The following ITPRID1 variants were observed in gnomAD, a reference collection of about 807,000 sequenced individuals.
ITPRID1 encodes protein ITPRID1.
Under a neutral mutation model 95.4 loss-of-function variants are expected in ITPRID1, and 96 were observed. The observed-to-expected ratio is 1.01, with a 90% CI of 0.85 to 1.19. The LOEUF (loss-of-function observed/expected upper bound fraction) is 1.19, where lower values mean the gene tolerates loss of function less well. ITPRID1 is among the 50% of genes most tolerant of loss of function. The pLI is 0.00. For missense variants in ITPRID1, 1,339 were observed against 1,252.9 expected (o/e 1.07, Z -1.04); for synonymous variants, 510 against 453.6 (o/e 1.12, Z -1.58).
chr7:31,533,211 T>A (rs1270994235), intron 1 of ITPRID1, among the ~76,000 whole-genome samples: 1 of 152,130 alleles, frequency 6.6e-6, no homozygotes, highest in Non-Finnish European at 1.5e-5. Context: ...AAAAAATCTT[T>A]TTTTCCCTCA....
chr7:31,594,622 C>G (rs1207712919), intron 10 of ITPRID1, among the ~76,000 whole-genome samples: 1 of 151,918 alleles, frequency 6.6e-6, no homozygotes, highest in Non-Finnish European at 1.5e-5. Context: ...TTTGGGAGGT[C>G]GAGGCTGGTG....
At chr7:31,629,435 C>A (rs1788796200) in intron 10 of ITPRID1, among the ~76,000 whole-genome samples, 1 of 152,164 alleles carries the variant, frequency 6.6e-6, no homozygotes. Flanking sequence ...TTTCCTTCCC[C>A]TGGACAGAAA....
chr7:31,654,617 A>T lies in ITPRID1; in HGVS notation c.*1788A>T, dbSNP rs74747636. 5.5e-3 allele frequency among the ~76,000 whole-genome samples: 834 copies of T among 152,240 alleles called. 7 individuals are homozygous for T. Among genetic ancestry groups the T allele is most frequent in the African/African-American group, 0.018 (767 of 41,542 alleles). On this transcript the variant is annotated 3_prime_UTR_variant, in exon 15 of 15. Coordinates refer to ENST00000615280, the MANE Select transcript of ITPRID1 (RefSeq NM_001257967.3). Reference sequence around the variant, plus strand: ...AAATGTCGTCAAGTTGCTTCTATTCAGCCTTGGAGGCTTGTGAGGCTCCCA... The same window carrying T: ...AAATGTCGTCAAGTTGCTTCTATTCTGCCTTGGAGGCTTGTGAGGCTCCCA...
At chr7:31,602,576 T>C (rs1786440628) in intron 10 of ITPRID1, among the ~76,000 whole-genome samples, 1 of 152,186 alleles carries the variant, frequency 6.6e-6, no homozygotes, top group East Asian at 1.9e-4. Context: ...ACCACAGTTA[T>C]TGCCCTTGTA....
chr7:31,574,255 T>C (rs781643838), intron 7 of ITPRID1, among the ~76,000 whole-genome samples: 6 of 152,066 alleles, frequency 3.9e-5, no homozygotes, highest in Non-Finnish European at 8.8e-5. Context: ...GTATCTGTCC[T>C]GCAGTCTCCC....
At chr7:31,631,898 G>A (rs1056061554) in intron 10 of ITPRID1, among the ~76,000 whole-genome samples, 8 of 152,158 alleles carry the variant, frequency 5.3e-5, no homozygotes, top group African/African-American at 1.7e-4. Flanking sequence ...GTTTTAGGAT[G>A]AGAGTCAAGA....
chr7:31,529,536 C>A, intron 1 of ITPRID1: 1 of 450,488 alleles, frequency 2.2e-6, no homozygotes, highest in Non-Finnish European at 3.9e-6. Context: ...ACATTTTTAC[C>A]ACTTTCTTTC....
intron 1 of ITPRID1, among the ~76,000 whole-genome samples, chr7:31,526,500 G>A (rs994346179): frequency 1.3e-5 from 2 of 152,184 alleles, no homozygotes; most frequent in Admixed American, 6.5e-5. Context: ...TAAACTTTGT[G>A]TGAGAATTAA....
At chr7:31,658,098 C>T (rs1240061143), downstream of ITPRID1, among the ~76,000 whole-genome samples, 1 of 152,140 alleles carries the variant, frequency 6.6e-6, no homozygotes, top group African/African-American at 2.4e-5. Flanking sequence ...AGGGAAGACC[C>T]AAGTTGCATC....
intron 1 of ITPRID1, among the ~76,000 whole-genome samples, chr7:31,531,634 A>T (rs1783600255): frequency 6.6e-6 from 1 of 152,186 alleles, no homozygotes; most frequent in Non-Finnish European, 1.5e-5. Context: ...CAGACTGGCT[A>T]GGGGTGCTGA....
intron 10 of ITPRID1, among the ~76,000 whole-genome samples, chr7:31,619,954 T>C (rs1787662308): frequency 1.3e-5 from 2 of 152,190 alleles, no homozygotes; most frequent in African/African-American, 4.8e-5. Flanking sequence ...CAGGAGACTA[T>C]ATCCCGCACC....
intron 10 of ITPRID1, among the ~76,000 whole-genome samples, chr7:31,598,404 T>C (rs6958835): frequency 0.24 from 24,140 of 100,816 alleles, 2,324 homozygotes; most frequent in South Asian, 0.37. Flanking sequence ...TTTTCTTTTT[T>C]TTTTTTTTTT....
intron 1 of ITPRID1, among the ~76,000 whole-genome samples, chr7:31,544,028 C>G (rs1784016922): frequency 6.6e-6 from 1 of 152,090 alleles, no homozygotes; most frequent in African/African-American, 2.4e-5. Flanking sequence ...ATTGCCTTTG[C>G]TTCTTTGTCA....
chr7:31,610,803 GATAAT>G (rs2128164525), intron 10 of ITPRID1, among the ~76,000 whole-genome samples: 1 of 151,262 alleles, frequency 6.6e-6, no homozygotes, highest in African/African-American at 2.4e-5. Flanking sequence ...TTACTATTTG[GATAAT>G]ATATCTTTTT....
intron 10 of ITPRID1, among the ~76,000 whole-genome samples, chr7:31,610,098 A>G (rs974532103): frequency 6.6e-6 from 1 of 151,518 alleles, no homozygotes; most frequent in African/African-American, 2.4e-5. Context: ...TTCTTCTTCT[A>G]TGGATTTCTA....
chr7:31,533,044 T>C (rs1185414466), intron 1 of ITPRID1, among the ~76,000 whole-genome samples: 1 of 152,192 alleles, frequency 6.6e-6, no homozygotes, highest in African/African-American at 2.4e-5. Flanking sequence ...ATATTTTTTT[T>C]CTTTTTTTAT....
At chr7:31,594,586 G>T (rs1785998991) in intron 10 of ITPRID1, among the ~76,000 whole-genome samples, 1 of 152,158 alleles carries the variant, frequency 6.6e-6, no homozygotes, top group Non-Finnish European at 1.5e-5. Context: ...GCTGGGTGTG[G>T]TGGCTCATGC....
At chr7:31,625,289 T>G (rs1583631996) in intron 10 of ITPRID1, among the ~76,000 whole-genome samples, 1 of 18,328 alleles carries the variant, frequency 5.5e-5, no homozygotes, top group Non-Finnish European at 1.2e-4. Flanking sequence ...ACCCAAAGGA[T>G]ATAAATCATG....
At chr7:31,619,889 G>A (rs946330016) in intron 10 of ITPRID1, among the ~76,000 whole-genome samples, 6 of 152,130 alleles carry the variant, frequency 3.9e-5, no homozygotes, top group Admixed American at 1.3e-4. Flanking sequence ...CTGGAAAATC[G>A]GGTCACTCCC....
Sources: gnomAD v4.1 joint callset for allele counts (sites outside exome capture counted in the v4.1 genomes callset) on GRCh38, gnomAD v4.1.1 for gene constraint, MANE v1.5 for transcripts, NCBI Gene and HGNC (gene_info 2026-07-23, HGNC 2026-07-21) for gene names.